The following LRRC49 variants were observed in gnomAD, a reference collection of about 807,000 sequenced individuals.
The protein encoded by LRRC49 is leucine rich repeat containing 49.
A neutral mutation model predicts 83.3 loss-of-function variants in LRRC49; 50 were observed. That is an observed-to-expected ratio of 0.60 (90% CI 0.48 to 0.76). LRRC49 has a LOEUF of 0.76. Ranked by LOEUF, LRRC49 falls within the 30% of genes least tolerant of loss-of-function variation. The probability of loss-of-function intolerance (pLI) is 0.00; values close to 1 mark genes in which losing one functional copy is unlikely to be tolerated. For missense variants in LRRC49, 704 were observed against 809.1 expected (o/e 0.87, Z 1.58); for synonymous variants, 286 against 283.3 (o/e 1.01, Z -0.10).
At chr15:70,936,737 G>A (rs1485375728) in intron 7 of LRRC49, 24 bp from the exon 8 acceptor site, 1 of 1,519,086 alleles carries the variant, frequency 6.6e-7, no homozygotes, top group Non-Finnish European at 9.1e-7. Flanking sequence ...ATCTGATTAA[G>A]TTTTGCTGTC....
At chr15:70,953,228 T>C (rs761945309) in intron 8 of LRRC49, among the ~76,000 whole-genome samples, 2 of 152,244 alleles carry the variant, frequency 1.3e-5, no homozygotes, top group Non-Finnish European at 2.9e-5. Context: ...ATAATATCAA[T>C]GAAGTATGTG....
intron 1 of LRRC49, among the ~76,000 whole-genome samples, chr15:70,870,427 C>A (rs983434129): frequency 2.6e-5 from 4 of 152,220 alleles, no homozygotes; most frequent in African/African-American, 9.7e-5. Context: ...TTGTATCAAT[C>A]CCAAAGAGTG....
chr15:70,905,723 T>C (rs1383955057), intron 5 of LRRC49, among the ~76,000 whole-genome samples: 2 of 152,134 alleles, frequency 1.3e-5, no homozygotes, highest in Non-Finnish European at 2.9e-5. Context: ...GGTAATAAAC[T>C]GGGGGAACTT....
At chr15:70,932,830 A>G (rs140324634) in intron 7 of LRRC49, among the ~76,000 whole-genome samples, 202 of 151,312 alleles carry the variant, frequency 1.3e-3, no homozygotes, top group Non-Finnish European at 2.4e-3. Context: ...CCCTCGTTCA[A>G]ACAATTCTCC....
chr15:70,943,387 A>G (rs2035892640), intron 8 of LRRC49, among the ~76,000 whole-genome samples: 1 of 152,200 alleles, frequency 6.6e-6, no homozygotes. Flanking sequence ...AAAAAGCTTT[A>G]GGGCAGGAAT....
chr15:70,940,750 T>C (rs2035785635), intron 8 of LRRC49, among the ~76,000 whole-genome samples: 1 of 152,196 alleles, frequency 6.6e-6, no homozygotes, highest in African/African-American at 2.4e-5. Flanking sequence ...GATATGCAAA[T>C]CTTCTTACTG....
intron 4 of LRRC49, among the ~76,000 whole-genome samples, chr15:70,904,343 A>G (rs528530569): frequency 4.1e-4 from 62 of 152,292 alleles, no homozygotes; most frequent in African/African-American, 1.2e-3. Flanking sequence ...ACATAATTTT[A>G]ATAATAAACC....
At chr15:71,039,430 T>C (rs538104499) in intron 15 of LRRC49, among the ~76,000 whole-genome samples, 8 of 152,282 alleles carry the variant, frequency 5.3e-5, no homozygotes, top group African/African-American at 1.9e-4. Flanking sequence ...TTGTGTTTGG[T>C]TTCTATGGAC....
At chr15:70,904,413 A>G in intron 4 of LRRC49, 139 bp from the exon 5 acceptor site, 1 of 528,310 alleles carries the variant, frequency 1.9e-6, no homozygotes, top group East Asian at 3.0e-5. Context: ...TAGGTCGCTT[A>G]GTTCATGGGG....
chr15:70,900,675 C>A (rs2034034776), intron 3 of LRRC49: 1 of 472,094 alleles, frequency 2.1e-6, no homozygotes, highest in African/African-American at 2.0e-5. Context: ...TGGACTAGTT[C>A]TGTACTTTCA....
intron 1 of LRRC49, among the ~76,000 whole-genome samples, chr15:70,870,905 G>A (rs1321056995): frequency 4.0e-5 from 6 of 150,774 alleles, no homozygotes; most frequent in African/African-American, 1.5e-4. Flanking sequence ...TAGATATGCT[G>A]CAAGATATTT....
Position 71,012,824 on chromosome 15 carries a change from A to C in LRRC49, c.1614A>C (p.Ile538=). 2 of 1,611,786 alleles carry C rather than the reference A, an allele frequency of 1.2e-6. No homozygotes were observed. Among genetic ancestry groups the C allele is most frequent in the Non-Finnish European group, 1.7e-6 (2 of 1,178,410 alleles). The change falls in exon 14 of 16, where the codon ATA becomes ATC. Residue 538 remains isoleucine (I), a synonymous_variant. Transcript: ENST00000260382. Reference sequence around the variant, plus strand: ...TTCAGGTGACACAGAATGATATGATAATGGCTGAAAGGCTCTTTGGAATCC... The same window carrying C: ...TTCAGGTGACACAGAATGATATGATCATGGCTGAAAGGCTCTTTGGAATCC... The part of the protein sequence containing the change: ...NGTEVTQNDM[I]MAERLFGILA...
intron 5 of LRRC49, among the ~76,000 whole-genome samples, chr15:70,905,737 A>C (rs1238315840): frequency 6.6e-6 from 1 of 152,174 alleles, no homozygotes; most frequent in Non-Finnish European, 1.5e-5. Context: ...GGAACTTAGC[A>C]AGGCCTATTT....
At chr15:70,853,968 G>T in intron 1 of LRRC49, 1 of 1,458,364 alleles carries the variant, frequency 6.9e-7, no homozygotes. Context: ...CCGGCGCCCC[G>T]AGTCTCCGCC....
chr15:71,044,234 G>A (rs896358068), intron 15 of LRRC49, among the ~76,000 whole-genome samples: 1 of 152,108 alleles, frequency 6.6e-6, no homozygotes, highest in African/African-American at 2.4e-5. Context: ...GAGGCCAGCT[G>A]GAACCATTTG....
exon 2 of LRRC49, chr15:70,873,171 C>G: frequency 6.5e-7 from 1 of 1,534,112 alleles, no homozygotes; most frequent in Non-Finnish European, 8.7e-7. Flanking sequence ...AGGAGTGAGC[C>G]ACCTCGCCCA....
intron 11 of LRRC49, among the ~76,000 whole-genome samples, chr15:70,987,846 C>T (rs1321707151): frequency 5.9e-5 from 9 of 152,132 alleles, no homozygotes; most frequent in Admixed American, 2.0e-4. Flanking sequence ...TCTTTGTTCT[C>T]GTTGGTTTCA....
chr15:70,890,357 T>C (rs946220874), upstream of LRRC49, among the ~76,000 whole-genome samples: 5 of 152,176 alleles, frequency 3.3e-5, no homozygotes, highest in African/African-American at 1.2e-4. Context: ...GGTATACAGC[T>C]TGGTGAGGAG....
intron 2 of LRRC49, among the ~76,000 whole-genome samples, chr15:70,883,761 TG>T (rs2033329992): frequency 6.6e-6 from 1 of 151,718 alleles, no homozygotes; most frequent in South Asian, 2.1e-4. Context: ...TTCAAGCAAT[TG>T]TCGTGCCTCA....
Sources: allele counts gnomAD v4.1 joint callset (sites outside exome capture counted in the v4.1 genomes callset), GRCh38; gene constraint gnomAD v4.1.1; transcripts MANE v1.5; gene names NCBI Gene and HGNC (gene_info 2026-07-23, HGNC 2026-07-21).